The following SLC16A1 variants were observed in gnomAD, a reference collection of about 807,000 sequenced individuals.
The protein encoded by SLC16A1 is monocarboxylate transporter 1.
Under a neutral mutation model 32.2 loss-of-function variants are expected in SLC16A1, and 11 were observed. The ratio of observed to expected loss-of-function variants is 0.34; its 90% CI spans 0.21 to 0.56. The LOEUF is 0.56. SLC16A1 is among the 20% of genes least tolerant of loss of function. The probability of loss-of-function intolerance (pLI) is 0.87; values close to 1 mark genes in which losing one functional copy is unlikely to be tolerated. For missense variants in SLC16A1, 435 were observed against 615.0 expected (o/e 0.71, Z 3.10); for synonymous variants, 231 against 226.8 (o/e 1.02, Z -0.17).
chr1:112,954,707 C>T (rs1004737576), intron 1 of SLC16A1, among the ~76,000 whole-genome samples: 4 of 152,146 alleles, frequency 2.6e-5, no homozygotes, highest in African/African-American at 9.7e-5. Flanking sequence ...ACAATGGTAA[C>T]TGCAATCTGA....
intron 1 of SLC16A1, among the ~76,000 whole-genome samples, chr1:112,937,152 CAT>C (rs1323391339): frequency 6.6e-6 from 1 of 152,210 alleles, no homozygotes; most frequent in African/African-American, 2.4e-5. Context: ...TATTTACACA[CAT>C]AGAACACCCA....
At chr1:112,928,960 CA>C (rs1213588558) in intron 2 of SLC16A1, 131 bp downstream of exon 2, 13 of 703,010 alleles carry the variant, frequency 1.8e-5, no homozygotes, top group Non-Finnish European at 3.1e-5. Flanking sequence ...TGACTCTAAA[CA>C]CCAAACTTTA....
chr1:112,934,149 C>A (rs1056452900), intron 1 of SLC16A1, among the ~76,000 whole-genome samples: 5 of 152,164 alleles, frequency 3.3e-5, no homozygotes, highest in Admixed American at 3.3e-4. Context: ...AAAATTCTAG[C>A]ACAGGTCAAG....
chr1:112,915,834 C>T (rs1217394622), intron 4 of SLC16A1, among the ~76,000 whole-genome samples: 1 of 152,082 alleles, frequency 6.6e-6, no homozygotes, highest in African/African-American at 2.4e-5. Context: ...CACTCACTCC[C>T]CAAATCAAAG....
At chr1:112,953,608 T>C (rs868312740) in intron 1 of SLC16A1, among the ~76,000 whole-genome samples, 13 of 152,374 alleles carry the variant, frequency 8.5e-5, no homozygotes, top group African/African-American at 3.1e-4. Flanking sequence ...TTTCTCATAC[T>C]GTCTATCTCT....
chr1:112,916,496 TAAAAAAAAAAAAA>T (rs570173297), intron 4 of SLC16A1, among the ~76,000 whole-genome samples: 2 of 61,202 alleles, frequency 3.3e-5, no homozygotes, highest in African/African-American at 6.4e-5. Context: ...AAGACTGTCT[TAAAAAAAAAAAAA>T]AAAAAAAAAA....
intron 2 of SLC16A1, among the ~76,000 whole-genome samples, chr1:112,927,348 C>T (rs991502164): frequency 6.6e-6 from 1 of 151,390 alleles, no homozygotes; most frequent in Admixed American, 6.6e-5. Flanking sequence ...AGATCTCTTC[C>T]CCGCAAAATA....
intron 1 of SLC16A1, among the ~76,000 whole-genome samples, chr1:112,936,453 T>C (rs1316623946): frequency 1.6e-5 from 2 of 128,084 alleles, no homozygotes; most frequent in East Asian, 4.4e-4. Context: ...GGTTGCTCAG[T>C]CTAGGTGACA....
At chr1:112,926,986 A>C (rs1165862298) in intron 2 of SLC16A1, among the ~76,000 whole-genome samples, 1 of 151,454 alleles carries the variant, frequency 6.6e-6, no homozygotes, top group Non-Finnish European at 1.5e-5. Context: ...ATAAAAAATT[A>C]GCTGAGCATA....
chr1:112,946,346 C>A (rs539036655), intron 1 of SLC16A1, among the ~76,000 whole-genome samples: 1 of 151,790 alleles, frequency 6.6e-6, no homozygotes, highest in East Asian at 1.9e-4. Context: ...CCAAGGCAGG[C>A]GGATCCACTT....
chr1:112,919,761 G>A (rs1008710386), intron 3 of SLC16A1, among the ~76,000 whole-genome samples: 1 of 152,098 alleles, frequency 6.6e-6, no homozygotes, highest in Non-Finnish European at 1.5e-5. Context: ...TAAGCTCTAC[G>A]GTCTATGATC....
At chr1:112,931,274 G>A (rs562461104) in intron 1 of SLC16A1, among the ~76,000 whole-genome samples, 31 of 151,956 alleles carry the variant, frequency 2.0e-4, no homozygotes, top group Admixed American at 3.3e-4. Context: ...GTATTTTTCC[G>A]CATTATATGA....
intron 1 of SLC16A1, among the ~76,000 whole-genome samples, chr1:112,935,181 G>A (rs549095617): frequency 1.9e-4 from 29 of 152,292 alleles, no homozygotes; most frequent in East Asian, 7.7e-4. Context: ...TTGGGAGGCC[G>A]AGGAGAGTGG....
intron 1 of SLC16A1, among the ~76,000 whole-genome samples, chr1:112,934,645 CT>C (rs1215383070): frequency 6.6e-6 from 1 of 152,106 alleles, no homozygotes; most frequent in East Asian, 1.9e-4. Flanking sequence ...GGCAGGCAAA[CT>C]TCTTTGTCTT....
Position 112,923,523 on chromosome 1 carries a change from G to C in SLC16A1, c.218-1390C>G, listed in dbSNP as rs1029557072. ...CCACACCAAGATAGACACGGCCTTC[G>C]TGTACAGCGACAGCCAGTCCAAGAC... is the stretch of plus-strand genomic sequence containing the variant. On this transcript the variant is annotated intron_variant, in intron 2 of 4. Coordinates refer to ENST00000369626, the MANE Select transcript of SLC16A1 (RefSeq NM_003051.4). 2 of 1,051,984 alleles carry C rather than the reference G, an allele frequency of 1.9e-6. 1 individual carries two copies. The highest frequency in any genetic ancestry group is 3.4e-5 in the Admixed American group (2 of 58,906). 65.2% of individuals were successfully genotyped at this position (1,051,984 alleles called of 1,614,324 possible). A position where few individuals can be genotyped will look rare whatever the true frequency, so the allele number is the denominator to read the frequency against.
At chr1:112,915,533 A>G (rs1365126223) in intron 4 of SLC16A1, among the ~76,000 whole-genome samples, 1 of 152,160 alleles carries the variant, frequency 6.6e-6, no homozygotes, top group Admixed American at 6.6e-5. Flanking sequence ...AAGTAATGGG[A>G]AGCAACTGGA....
At chr1:112,920,520 C>T (rs1417698133) in intron 3 of SLC16A1, among the ~76,000 whole-genome samples, 6 of 152,046 alleles carry the variant, frequency 3.9e-5, no homozygotes, top group African/African-American at 1.5e-4. Context: ...GCAGGAGAAT[C>T]GCTTGAACCC....
rs1424052047 is a variant in SLC16A1, at chr1:112,950,156, TC to T, written c.-45+5878del. On this transcript the variant is annotated intron_variant, in intron 1 of 4. Transcript: ENST00000369626. ...GGTTAATGAAAAGATATAATATTTT[TC>T]CCCCAAACAAGTTCACAGACCCCTC... Among the ~76,000 whole-genome samples, 13 of 152,206 alleles carry T rather than the reference TC, an allele frequency of 8.5e-5. No individual in the cohort carries two copies. The East Asian group carries it at 2.5e-3, about 29-fold the overall frequency.
At chr1:112,927,749 A>C (rs1031646919) in intron 2 of SLC16A1, among the ~76,000 whole-genome samples, 15 of 152,252 alleles carry the variant, frequency 9.9e-5, no homozygotes, top group African/African-American at 3.6e-4. Context: ...GTTTCCCCAA[A>C]GGAAAGTGTC....
Sources: gnomAD v4.1 joint callset for allele counts (sites outside exome capture counted in the v4.1 genomes callset) on GRCh38, gnomAD v4.1.1 for gene constraint, MANE v1.5 for transcripts, NCBI Gene and HGNC (gene_info 2026-07-23, HGNC 2026-07-21) for gene names.